Variants in LRR1 observed in about 807,000 individuals in gnomAD.
The protein encoded by LRR1 is leucine rich repeat protein 1.
In LRR1, 29 loss-of-function variants were observed where a neutral mutation model predicts 31.6. The observed-to-expected ratio is 0.92, with a 90% confidence interval of 0.68 to 1.25. The LOEUF is 1.25. Ranked by LOEUF, LRR1 falls within the 50% of genes most tolerant of loss-of-function variation. The pLI, the probability that LRR1 is intolerant of heterozygous loss-of-function variation, is 0.00. For synonymous variants in LRR1, 179 were observed against 181.4 expected (o/e 0.99, Z 0.10); for missense variants, 485 against 487.2 (o/e 1.00, Z 0.04).
Position 49,607,539 on chromosome 14 carries a change from C to T in LRR1, c.422C>T (p.Thr141Ile). 6.2e-7 allele frequency: 1 copy of T among 1,614,066 alleles called. No individual in the cohort carries two copies. Among genetic ancestry groups the T allele is most frequent in the Non-Finnish European group, 8.5e-7 (1 of 1,180,006 alleles). ...AACTTTAAAACTAAAATGGTTATCA[C>T]ATCCAAAAAAGACTATCCTCTAAGT... ...FENFKTKMVI[T>I]SKKDYPLSKN... The change falls in exon 3 of 4, where the codon ACA (threonine) becomes ATA (isoleucine). Residue 141 changes from threonine to isoleucine, a missense_variant. This residue lies in a region of LRR1 where 260 missense variants were observed against 249.6 expected (regional missense o/e 1.04). Coordinates refer to ENST00000298288, the MANE Select transcript of LRR1 (RefSeq NM_152329.4).
intron 2 of LRR1, among the ~76,000 whole-genome samples, chr14:49,605,319 T>C (rs1882239657): frequency 6.6e-6 from 1 of 152,236 alleles, no homozygotes; most frequent in Non-Finnish European, 1.5e-5. Context: ...TCATTTTTTT[T>C]CTTGACTTGC....
At chr14:49,601,546 C>A in intron 1 of LRR1, 1 of 1,105,874 alleles carries the variant, frequency 9.0e-7, no homozygotes, top group Non-Finnish European at 1.2e-6. Context: ...TTCTAGCACT[C>A]AGGATAGAAT....
At chr14:49,609,182 G>A (rs1239988276) in intron 3 of LRR1, among the ~76,000 whole-genome samples, 2 of 143,730 alleles carry the variant, frequency 1.4e-5, no homozygotes, top group Non-Finnish European at 3.0e-5. Flanking sequence ...CTCCCAAAGT[G>A]CTGGAATTAC....
At chr14:49,599,858 T>G in intron 1 of LRR1, 2 of 410,616 alleles carry the variant, frequency 4.9e-6, no homozygotes, top group Non-Finnish European at 3.6e-6. Flanking sequence ...AGTCGCTGCT[T>G]GGGGCCGGGG....
Position 49,611,892 on chromosome 14 carries a change from A to G in LRR1, c.1005-2364A>G, listed in dbSNP as rs192045400. Among the ~76,000 whole-genome samples, 854 of 151,236 alleles carry G rather than the reference A, an allele frequency of 5.6e-3. 11 individuals carry two copies. Among genetic ancestry groups the G allele is most frequent in the African/African-American group, 0.019 (797 of 41,150 alleles). On this transcript the variant is annotated intron_variant, in intron 3 of 3. Transcript: ENST00000298288. Reference sequence around the variant, plus strand: ...TGAGCTGAGATTGTAGCACCACACTACAGCCTGGGCTGCAGAGTGAGACTG... The same window carrying G: ...TGAGCTGAGATTGTAGCACCACACTGCAGCCTGGGCTGCAGAGTGAGACTG...
chr14:49,600,056 C>G (rs1245297308), intron 1 of LRR1: 126 of 1,604,770 alleles, frequency 7.9e-5, no homozygotes, highest in Non-Finnish European at 1.1e-5. Flanking sequence ...GGGCGGTGGG[C>G]AAGACGTGCC....
At chr14:49,610,191 A>G (rs955619571) in intron 3 of LRR1, among the ~76,000 whole-genome samples, 1 of 151,924 alleles carries the variant, frequency 6.6e-6, no homozygotes, top group African/African-American at 2.4e-5. Context: ...TCCTTGTCTG[A>G]ACACTAACTG....
At chr14:49,602,251 C>T in intron 1 of LRR1, 119 bp from the exon 2 acceptor site, 1 of 600,226 alleles carries the variant, frequency 1.7e-6, no homozygotes, top group Non-Finnish European at 2.7e-6. Flanking sequence ...AACACTCAGA[C>T]TCAAGGACTA....
chr14:49,603,710 A>ATTTTTTTTTTTTTTTT lies in LRR1; in HGVS notation c.282+1243_282+1244insTTTTTTTTTTTTTTTT, dbSNP rs1566493069. On this transcript the variant is annotated intron_variant, in intron 2 of 3. Transcript: ENST00000298288. ...TTTTTTTTTTTTTTTTTTTTTTTTA[A>ATTTTTTTTTTTTTTTT]TGAGACAGAGTCTCTCCCTGTCACC... 9.0e-5 allele frequency: 12 copies of ATTTTTTTTTTTTTTTT among 132,724 alleles called. 4 individuals are homozygous for ATTTTTTTTTTTTTTTT. Among genetic ancestry groups the ATTTTTTTTTTTTTTTT allele is most frequent in the African/African-American group, 1.5e-4 (2 of 13,076 alleles). 8.2% of individuals were successfully genotyped at this position (132,724 alleles called of 1,614,324 possible).
At chr14:49,606,208 G>A (rs1477656673) in intron 2 of LRR1, among the ~76,000 whole-genome samples, 1 of 151,822 alleles carries the variant, frequency 6.6e-6, no homozygotes, top group Non-Finnish European at 1.5e-5. Flanking sequence ...TATATTTTTA[G>A]TAGAGACGGG....
chr14:49,613,538 G>A (rs1275731422), intron 3 of LRR1, among the ~76,000 whole-genome samples: 1 of 151,634 alleles, frequency 6.6e-6, no homozygotes, highest in African/African-American at 2.4e-5. Flanking sequence ...CAGGTGCGGT[G>A]GCTCACACCT....
At chr14:49,611,424 G>C (rs1219025715) in intron 3 of LRR1, among the ~76,000 whole-genome samples, 2 of 152,044 alleles carry the variant, frequency 1.3e-5, no homozygotes, top group South Asian at 2.1e-4. Context: ...GCAGTGAGCC[G>C]AGATGGCACC....
chr14:49,601,754 C>A, intron 1 of LRR1: 1 of 1,143,332 alleles, frequency 8.7e-7, no homozygotes, highest in South Asian at 1.3e-5. Context: ...AGGAGAGTTA[C>A]TGGACAGACA....
chr14:49,607,247 AAAAT>A (rs1004625862), intron 2 of LRR1, among the ~76,000 whole-genome samples, 149 bp from the exon 3 acceptor site: 1 of 152,140 alleles, frequency 6.6e-6, no homozygotes, highest in Non-Finnish European at 1.5e-5. Context: ...AAATTTAGTC[AAAAT>A]AAAGTACTAA....
intron 1 of LRR1, chr14:49,601,155 A>G (rs1882036837): frequency 2.5e-6 from 4 of 1,599,590 alleles, no homozygotes; most frequent in East Asian, 4.5e-5. Context: ...AAAAAAGAAC[A>G]AATGTTTTAT....
chr14:49,601,399 G>T, intron 1 of LRR1: 1 of 497,078 alleles, frequency 2.0e-6, no homozygotes, highest in East Asian at 5.7e-5. Context: ...GTACATAGTG[G>T]GTTCTGAATC....
intron 1 of LRR1, chr14:49,601,135 G>A: frequency 1.7e-5 from 28 of 1,607,930 alleles, no homozygotes; most frequent in Non-Finnish European, 2.3e-5. Context: ...AGGAGAGAAT[G>A]TATGAGATCA....
intron 2 of LRR1, among the ~76,000 whole-genome samples, chr14:49,604,665 C>T (rs571603470): frequency 6.6e-5 from 10 of 152,158 alleles, no homozygotes; most frequent in African/African-American, 2.2e-4. Flanking sequence ...TGCACTCCAT[C>T]CTGGTTGATA....
At position 49,599,114 on chromosome 14, in the gene LRR1, C is replaced by T. The variant is rs1354712879; in HGVS notation, c.94C>T (p.Leu32Phe). The change falls in exon 1 of 4, where the codon CTC becomes TTC. Residue 32 changes from leucine to phenylalanine, a missense_variant. By Grantham distance (22) the Leu-to-Phe change is conservative. Coordinates refer to ENST00000298288, the MANE Select transcript of LRR1 (RefSeq NM_152329.4). ...RGKGVRAVLS[L>F]CQQTSRSQPP... ...CAAGGGCGTCCGAGCCGTGTTGAGC[C>T]TCTGTCAGCAGACTTCCAGGAGTCA... 1 of 1,608,888 alleles carries T rather than the reference C, an allele frequency of 6.2e-7. No individual in the cohort carries two copies. Among genetic ancestry groups the T allele is most frequent in the Non-Finnish European group, 8.5e-7 (1 of 1,178,088 alleles).
Sources: gnomAD v4.1 joint callset for allele counts (sites outside exome capture counted in the v4.1 genomes callset) on GRCh38, gnomAD v4.1.1 for gene constraint, gnomAD v4.1.1 regional missense constraint, MANE v1.5 for transcripts, NCBI Gene and HGNC (gene_info 2026-07-23, HGNC 2026-07-21) for gene names.